CELF4: variants seen among roughly 807,000 people sequenced by gnomAD.
CELF4 encodes the protein CUGBP Elav-like family member 4, also known as CUG-BP- and ETR-3-like factor 4.
A neutral mutation model predicts 59.9 loss-of-function variants in CELF4; 18 were observed. The ratio of observed to expected loss-of-function variants is 0.30; its 90% CI spans 0.21 to 0.45. CELF4 has a LOEUF of 0.45. Ranked by LOEUF, CELF4 falls within the 20% of genes least tolerant of loss-of-function variation. The probability of loss-of-function intolerance (pLI) is 1.00; values close to 1 mark genes in which losing one functional copy is unlikely to be tolerated. For synonymous variants in CELF4, 261 were observed against 267.1 expected (o/e 0.98, Z 0.22); for missense variants, 456 against 689.0 (o/e 0.66, Z 3.79).
Position 37,275,105 on chromosome 18 carries a change from C to T in CELF4, c.577+10G>A, listed in dbSNP as rs202059182. 1 of 1,612,386 alleles carries T rather than the reference C, an allele frequency of 6.2e-7. No homozygotes were observed. Among genetic ancestry groups the T allele is most frequent in the Non-Finnish European group, 8.5e-7 (1 of 1,179,462 alleles). On this transcript the variant is annotated intron_variant, in intron 4 of 12. Transcript: ENST00000420428. ...CTCCGGGGCATCCCTCCCGGCCCCG[C>T]CCCGCGCACCCTTGCTGTTGCCGTC...
At position 37,508,550 on chromosome 18, in the gene CELF4, G is replaced by A. The variant is rs948317254; in HGVS notation, c.287-22943C>T. 2.0e-5 allele frequency among the ~76,000 whole-genome samples: 3 copies of A among 152,332 alleles called. No homozygotes were observed. In the East Asian group the frequency reaches 5.8e-4, roughly 29 times the overall value. ...CACCCCCCTCACCTCCTGCTGGGTT[G>A]ATGGATGGCACTAGGCATGCATAGG... On this transcript the variant is annotated intron_variant, in intron 1 of 12. Coordinates refer to ENST00000420428, the MANE Select transcript of CELF4 (RefSeq NM_020180.4).
At chr18:37,476,787 C>T (rs2099850603) in intron 2 of CELF4, among the ~76,000 whole-genome samples, 1 of 152,204 alleles carries the variant, frequency 6.6e-6, no homozygotes, top group African/African-American at 2.4e-5. Context: ...CCCTTTGCAG[C>T]CTCACACGGA....
chr18:37,406,324 C>A (rs938890664), intron 2 of CELF4, among the ~76,000 whole-genome samples: 2 of 152,066 alleles, frequency 1.3e-5, no homozygotes, highest in African/African-American at 4.8e-5. Flanking sequence ...AGTGGGACTG[C>A]AGAAGAGGGA....
At chr18:37,334,704 C>T (rs920160395) in intron 2 of CELF4, among the ~76,000 whole-genome samples, 8 of 152,056 alleles carry the variant, frequency 5.3e-5, no homozygotes, top group African/African-American at 1.9e-4. Flanking sequence ...GTCCTGGTTC[C>T]ACCCTCACCC....
chr18:37,439,126 G>C (rs1281101618), intron 2 of CELF4, among the ~76,000 whole-genome samples: 1 of 152,154 alleles, frequency 6.6e-6, no homozygotes, highest in Non-Finnish European at 1.5e-5. Context: ...TGAGAAAACT[G>C]AGGCCCAGAG....
intron 3 of CELF4, among the ~76,000 whole-genome samples, chr18:37,295,707 T>A (rs768337937): frequency 2.0e-5 from 3 of 152,210 alleles, no homozygotes; most frequent in Non-Finnish European, 4.4e-5. Context: ...TAGAATATGA[T>A]CTGTACTTCA....
chr18:37,447,960 T>G (rs903476572), intron 2 of CELF4, among the ~76,000 whole-genome samples: 1 of 152,114 alleles, frequency 6.6e-6, no homozygotes, highest in Non-Finnish European at 1.5e-5. Flanking sequence ...TCCCTGCAGC[T>G]CCCTTGCTTC....
Position 37,253,264 on chromosome 18 carries a change from C to T in CELF4, c.*44+503G>A, listed in dbSNP as rs1021504213. ...CTTTGAAAGATCCTGTCCTTCCTCT[C>T]TTCACTGAGCTATGGGGAAAGACAG... is the stretch of plus-strand genomic sequence containing the variant. On this transcript the variant is annotated intron_variant, in intron 12 of 12. Transcript: ENST00000420428. The surrounding 1 kb of genome is among the most constrained non-coding windows in gnomAD (Gnocchi z 4.5). 5.9e-5 allele frequency among the ~76,000 whole-genome samples: 9 copies of T among 152,212 alleles called. No homozygotes were observed.
intron 3 of CELF4, chr18:37,276,187 T>G (rs555679323): frequency 2.6e-5 from 4 of 152,276 alleles, no homozygotes; most frequent in African/African-American, 9.6e-5. Flanking sequence ...GGGATGAGTA[T>G]CAGGTGCTTT....
intron 11 of CELF4, among the ~76,000 whole-genome samples, chr18:37,256,289 A>C (rs1314490202): frequency 6.6e-6 from 1 of 152,200 alleles, no homozygotes; most frequent in Non-Finnish European, 1.5e-5. Context: ...GCCCTCATGA[A>C]GGTATCTGGA....
intron 2 of CELF4, among the ~76,000 whole-genome samples, chr18:37,475,057 A>G (rs1603642100): frequency 6.6e-6 from 1 of 152,190 alleles, no homozygotes; most frequent in East Asian, 1.9e-4. Context: ...TATGATTGAC[A>G]TTGGCTCTAG....
chr18:37,414,652 C>T (rs999447526), intron 2 of CELF4, among the ~76,000 whole-genome samples: 2 of 151,994 alleles, frequency 1.3e-5, no homozygotes, highest in African/African-American at 2.4e-5. Flanking sequence ...CAGCCACCAC[C>T]GTGCCCGGCT....
chr18:37,276,807 G>C (rs2093367683), intron 3 of CELF4, among the ~76,000 whole-genome samples: 1 of 152,194 alleles, frequency 6.6e-6, no homozygotes, highest in Middle Eastern at 3.2e-3. Flanking sequence ...TCCCAGGGGT[G>C]GCTGCACTCA....
At chr18:37,251,685 T>C (rs992817644) in intron 12 of CELF4, among the ~76,000 whole-genome samples, 4 of 152,180 alleles carry the variant, frequency 2.6e-5, no homozygotes, top group Non-Finnish European at 5.9e-5. Context: ...GTGTCCTATA[T>C]ACAGAAAAAG....
intron 3 of CELF4, among the ~76,000 whole-genome samples, chr18:37,282,737 G>A (rs895656035): frequency 1.3e-5 from 2 of 152,172 alleles, no homozygotes; most frequent in Non-Finnish European, 1.5e-5. Flanking sequence ...CCACACTGGA[G>A]TCAAGAACCT....
chr18:37,558,659 G>A (rs1393178250), intron 1 of CELF4, among the ~76,000 whole-genome samples: 2 of 151,924 alleles, frequency 1.3e-5, no homozygotes, highest in Non-Finnish European at 2.9e-5. Context: ...AGGCCTGCAG[G>A]AAAAGAAGAG....
intron 2 of CELF4, among the ~76,000 whole-genome samples, chr18:37,403,660 C>T (rs555726259): frequency 5.9e-5 from 9 of 152,232 alleles, no homozygotes; most frequent in African/African-American, 1.9e-4. Flanking sequence ...GCTGAGAGGG[C>T]GTGGGACAGG....
chr18:37,380,095 T>C (rs2099018906), intron 2 of CELF4, among the ~76,000 whole-genome samples: 1 of 152,100 alleles, frequency 6.6e-6, no homozygotes, highest in Admixed American at 6.5e-5. Flanking sequence ...AGTTGTCCTG[T>C]ATTTGATTTG....
At chr18:37,395,551 G>T (rs2099233668) in intron 2 of CELF4, among the ~76,000 whole-genome samples, 2 of 152,204 alleles carry the variant, frequency 1.3e-5, no homozygotes, top group Admixed American at 1.3e-4. Flanking sequence ...AGTTCTCTCT[G>T]GGATCCTCTT....
Sources: allele counts gnomAD v4.1 joint callset (sites outside exome capture counted in the v4.1 genomes callset), GRCh38; gene constraint gnomAD v4.1.1; non-coding constraint Gnocchi (gnomAD v3.1); transcripts MANE v1.5; gene names NCBI Gene and HGNC (gene_info 2026-07-23, HGNC 2026-07-21).